The following ZNF175 variants were observed in gnomAD, a reference collection of about 807,000 sequenced individuals.
ZNF175 encodes zinc finger protein 175.
A neutral mutation model predicts 14.0 loss-of-function variants in ZNF175; 8 were observed. The observed-to-expected ratio is 0.57, with a 90% CI of 0.34 to 1.03. The LOEUF (loss-of-function observed/expected upper bound fraction) is 1.03, where lower values mean the gene tolerates loss of function less well. ZNF175 is among the 50% of genes least tolerant of loss of function. The pLI is 0.03. For synonymous variants in ZNF175, 255 were observed against 296.8 expected (o/e 0.86, Z 1.45); for missense variants, 764 against 849.5 (o/e 0.90, Z 1.25).
rs61736479 is a variant in ZNF175, at chr19:51,586,729, C to T, written c.398C>T (p.Ser133Phe). The T allele has an allele frequency of 6.2e-7, 1 of 1,613,974 alleles. No homozygotes were observed. ...GEFTRDGSWC[S>F]ILEELRLDAD... ...TTCACAAGAGATGGTTCATGGTGTT[C>T]CATTTTAGAAGAACTGAGGCTGGAT... Residue 133 changes from serine to phenylalanine, a missense_variant, in exon 5 of 5, where the codon TCC becomes TTC. Transcript: ENST00000262259.
intron 2 of ZNF175, among the ~76,000 whole-genome samples, chr19:51,576,857 C>G (rs1223254108): frequency 6.6e-6 from 1 of 152,082 alleles, no homozygotes; most frequent in Non-Finnish European, 1.5e-5. Flanking sequence ...AGTGCATCCC[C>G]TAGGAGTTCT....
rs1341780482 is a variant in ZNF175, at chr19:51,587,078, G to A, written c.747G>A (p.Glu249=). The A allele has an allele frequency of 3.7e-6, 6 of 1,614,082 alleles. No individual in the cohort carries two copies. In the African/African-American group the frequency reaches 5.3e-5, roughly 14 times the overall value. The change falls in exon 5 of 5, where the codon GAG becomes GAA. Residue 249 remains glutamate, a synonymous_variant. Transcript: ENST00000262259. ...DACSKNIHTG[E]TFCKGNQCRK... ...GCAGCAAGAATATTCATACAGGAGAGACATTTTGCAAAGGTAACCAGTGTA... is the reference window on the plus strand; with the variant it reads ...GCAGCAAGAATATTCATACAGGAGAAACATTTTGCAAAGGTAACCAGTGTA...
chr19:51,581,401 C>T lies in ZNF175; in HGVS notation c.83C>T (p.Ser28Leu). 6.2e-7 allele frequency: 1 copy of T among 1,614,082 alleles called. No homozygotes were observed. Among genetic ancestry groups the T allele is most frequent in the African/African-American group, 1.3e-5 (1 of 74,996 alleles). ...GGTACACTGTTACAGGCATCAGTGTCATTTGAGGACGTGACCGTGGACTTC... is the reference window on the plus strand; with the variant it reads ...GGTACACTGTTACAGGCATCAGTGTTATTTGAGGACGTGACCGTGGACTTC... ...KQDGSCEASV[S>L]FEDVTVDFSR... is the part of the protein sequence containing the mutation. Residue 28 changes from serine (S) to leucine (L), a missense_variant, in exon 3 of 5, where the codon TCA (serine) becomes TTA (leucine). Transcript: ENST00000262259.
At position 51,592,247 on chromosome 19, in the gene ZNF175, G is replaced by A; in HGVS notation, c.*3780G>A. On this transcript the variant is annotated 3_prime_UTR_variant, in exon 5 of 5. Transcript: ENST00000262259. ...ATGGGCTCTGGAGCCAACCTACCTG[G>A]ATGCTACACATCCCAGCTCTGCCCC... 5.1e-6 allele frequency: 1 copy of A among 195,386 alleles called. No homozygotes were observed. Among genetic ancestry groups the A allele is most frequent in the Non-Finnish European group, 1.0e-5 (1 of 96,228 alleles). The allele number at this position is 195,386 out of a possible 1,614,324, so 12.1% of individuals were successfully genotyped here.
chr19:51,580,728 T>C (rs1203825551), intron 2 of ZNF175, among the ~76,000 whole-genome samples: 1 of 152,222 alleles, frequency 6.6e-6, no homozygotes, highest in South Asian at 2.1e-4. Context: ...TCGCCTCTTA[T>C]CTTACACAGA....
chr19:51,580,966 C>T (rs1981976160), intron 2 of ZNF175, among the ~76,000 whole-genome samples: 1 of 152,070 alleles, frequency 6.6e-6, no homozygotes, highest in Admixed American at 6.6e-5. Context: ...ACCATGTTCC[C>T]TTTTTAACCC....
intron 4 of ZNF175, among the ~76,000 whole-genome samples, chr19:51,583,902 A>G (rs1048228629): frequency 6.6e-6 from 1 of 152,218 alleles, no homozygotes. Context: ...AATCTTCATT[A>G]TATCAATGTT....
At position 51,587,710 on chromosome 19, in the gene ZNF175, C is replaced by T. The variant is rs1221965328; in HGVS notation, c.1379C>T (p.Ala460Val). Residue 460 changes from alanine to valine, a missense_variant, in exon 5 of 5, where the codon GCA (alanine) becomes GTA (valine). Physicochemically the swap from Ala to Val is moderately conservative, Grantham distance 64 (BLOSUM62 0). Coordinates refer to ENST00000262259, the MANE Select transcript of ZNF175 (RefSeq NM_007147.4). ...TGCGGGCAGGCCTTCATCCAGAAGG[C>T]ACACCTGATTGTCCATCAAAGAAGC... The part of the protein sequence containing the change: ...IECGQAFIQK[A>V]HLIVHQRSHT... The T allele has an allele frequency of 3.7e-6, 6 of 1,614,042 alleles. No homozygotes were observed. In the African/African-American group the frequency reaches 6.7e-5, roughly 18 times the overall value.
At position 51,588,379 on chromosome 19, in the gene ZNF175, G is replaced by T. The variant is rs1297309328; in HGVS notation, c.2048G>T (p.Arg683Met). ...GAATGTGGAAAGGCCTTCAACAACA[G>T]GTCAAACTTCAATAAACACCAAACA... Reference protein sequence around the residue: ...CSECGKAFNNRSNFNKHQTTH... With the variant: ...CSECGKAFNNMSNFNKHQTTH... The change falls in exon 5 of 5, where the codon AGG (arginine) becomes ATG (methionine). Residue 683 changes from arginine to methionine, a missense_variant. Coordinates refer to ENST00000262259, the MANE Select transcript of ZNF175 (RefSeq NM_007147.4). The T allele has an allele frequency of 1.9e-6, 3 of 1,612,156 alleles. No individual in the cohort carries two copies. In the African/African-American group the frequency reaches 4.0e-5, roughly 22 times the overall value.
At chr19:51,586,377 C>T (rs1982163108) in intron 4 of ZNF175, among the ~76,000 whole-genome samples, 1 of 152,226 alleles carries the variant, frequency 6.6e-6, no homozygotes, top group Admixed American at 6.5e-5. Context: ...ATCGCTACCT[C>T]CTGAGGTTAT....
Position 51,589,884 on chromosome 19 carries a change from AACACACACACAT to A in ZNF175, c.*1425_*1436del, listed in dbSNP as rs3838909. 0.16 allele frequency: 73,526 copies of A among 472,168 alleles called. 6,820 individuals carry two copies. Among genetic ancestry groups the A allele is most frequent in the Middle Eastern group, 0.2 (359 of 1,770 alleles). The allele number at this position is 472,168 out of a possible 1,614,324, so 29.2% of individuals were successfully genotyped here. A position where few individuals can be genotyped will look rare whatever the true frequency, so the allele number is the denominator to read the frequency against. Reference sequence around the variant, plus strand: ...TTTGCCAGCACATGATACACACACAAACACACACACATACACACATATTACTATGTTCATCAT... The same window carrying A: ...TTTGCCAGCACATGATACACACACAAACACACATATTACTATGTTCATCAT... On this transcript the variant is annotated 3_prime_UTR_variant, in exon 5 of 5. Transcript: ENST00000262259.
In ZNF175 at chr19:51,586,912, A is replaced by G. The variant is rs1485852055; in HGVS notation, c.581A>G (p.Gln194Arg). The change falls in exon 5 of 5, where the codon CAA (glutamine) becomes CGA (arginine). Residue 194 changes from glutamine (Q) to arginine (R), a missense_variant. Transcript: ENST00000262259. ...CCCCACCTTGCTTCTTCACAGAAAC[A>G]ACCTCAGAAATGTTGCTTATTTACA... is the stretch of plus-strand genomic sequence containing the variant. ...TRPHLASSQKQPQKCCLFTES... is the reference protein window; with the variant it reads ...TRPHLASSQKRPQKCCLFTES... 1.9e-6 allele frequency: 3 copies of G among 1,614,088 alleles called. No homozygotes were observed. The highest frequency in any genetic ancestry group is 2.5e-6 in the Non-Finnish European group (3 of 1,180,044).
rs1420739668 is a variant in ZNF175, at chr19:51,592,348, C to T, written c.*3881C>T. 1 of 345,866 alleles carries T rather than the reference C, an allele frequency of 2.9e-6. No individual in the cohort carries two copies. The highest frequency in any genetic ancestry group is 2.1e-5 in the African/African-American group (1 of 46,834). 21.4% of individuals were successfully genotyped at this position (345,866 alleles called of 1,614,324 possible). ...CAGCACAATGGGAATAATAATAGAT[C>T]TCGCCTTGTGGCTCCTTTGCAGATT... is the stretch of plus-strand genomic sequence containing the variant. On this transcript the variant is annotated 3_prime_UTR_variant, in exon 5 of 5. Transcript: ENST00000262259.
In ZNF175 at chr19:51,588,077, G is replaced by A. The variant is rs148255081; in HGVS notation, c.1746G>A (p.Thr582=). 641 of 1,613,968 alleles carry A rather than the reference G, an allele frequency of 4.0e-4. No individual in the cohort carries two copies. The highest frequency in any genetic ancestry group is 5.2e-4 in the Non-Finnish European group (617 of 1,180,000). Residue 582 remains threonine (T), a synonymous_variant, in exon 5 of 5, where the codon ACG becomes ACA. Transcript: ENST00000262259. The stretch of plus-strand genomic sequence containing the variant: ...TCAAAGAGCATCAGCGAATTCACAC[G>A]GGTGAGAAACCCTATGTGTGCACTG... ...SQFKEHQRIH[T]GEKPYVCTEC... is the part of the protein sequence containing the mutation.
In ZNF175 at chr19:51,585,520, T is replaced by TAA. The variant is rs199639324; in HGVS notation, c.296-1107_296-1106insAA. Among the ~76,000 whole-genome samples, 588 of 152,174 alleles carry TAA rather than the reference T, an allele frequency of 3.9e-3. 25 individuals carry two copies. The East Asian group carries it at 0.078, about 20-fold the overall frequency. On this transcript the variant is annotated intron_variant, in intron 4 of 4. Coordinates refer to ENST00000262259, the MANE Select transcript of ZNF175 (RefSeq NM_007147.4). ...AATAAAGATTAAAAGTGTCCTTTTT[T>TAA]TAAAAAAAGAATGAAAGATGATTGA...
intron 1 of ZNF175, among the ~76,000 whole-genome samples, chr19:51,572,757 A>T (rs1981637776): frequency 1.3e-5 from 2 of 152,206 alleles, no homozygotes; most frequent in South Asian, 4.1e-4. Context: ...AATGGGTATG[A>T]TAATGCCCAT....
Position 51,587,979 on chromosome 19 carries a change from C to T in ZNF175, c.1648C>T (p.Gln550Ter), listed in dbSNP as rs1165404463. The T allele has an allele frequency of 1.2e-6, 2 of 1,614,070 alleles. No homozygotes were observed. Among genetic ancestry groups the T allele is most frequent in the Non-Finnish European group, 1.7e-6 (2 of 1,180,032 alleles). Reference sequence around the variant, plus strand: ...CCAGAAGTCAATACTCAGCATGCATCAGAGAATTCACACCGGAGAGAAGCC... The same window carrying T: ...CCAGAAGTCAATACTCAGCATGCATTAGAGAATTCACACCGGAGAGAAGCC... ...FNQKSILSMHQRIHTGEKPYK... is the reference protein window; with the variant it reads ...FNQKSILSMH The change falls in exon 5 of 5, where the codon CAG (glutamine) becomes TAG (stop). Residue 550 changes from glutamine to a stop codon, truncating the protein, a stop_gained. Transcript: ENST00000262259. LOFTEE classifies it low-confidence loss of function (END_TRUNC).
chr19:51,587,727 C>T lies in ZNF175; in HGVS notation c.1396C>T (p.Gln466Ter), dbSNP rs1982216877. 2 of 1,614,138 alleles carry T rather than the reference C, an allele frequency of 1.2e-6. No individual in the cohort carries two copies. The highest frequency in any genetic ancestry group is 1.7e-6 in the Non-Finnish European group (2 of 1,180,026). ...FIQKAHLIVH[Q>*]RSHTGEKPYQ... Reference sequence around the variant, plus strand: ...CCAGAAGGCACACCTGATTGTCCATCAAAGAAGCCACACAGGAGAAAAACC... The same window carrying T: ...CCAGAAGGCACACCTGATTGTCCATTAAAGAAGCCACACAGGAGAAAAACC... Residue 466 changes from glutamine to a stop codon, truncating the protein, a stop_gained, in exon 5 of 5, where the codon CAA becomes TAA. Transcript: ENST00000262259. LOFTEE classifies it low-confidence loss of function (END_TRUNC).
In ZNF175 at chr19:51,573,359, G is replaced by A. The variant is rs1003508446; in HGVS notation, c.30G>A (p.Lys10=). 4.3e-6 allele frequency: 7 copies of A among 1,612,478 alleles called. No homozygotes were observed. The highest frequency in any genetic ancestry group is 4.2e-6 in the Non-Finnish European group (5 of 1,179,456). MPADVNLSQ[K]PQVLGPEKQD... ...CTGCTGATGTGAATTTATCCCAGAA[G>A]CCTCAGGTCCTGGGTCCAGAGAAGC... Residue 10 remains lysine, a synonymous_variant, in exon 2 of 5, where the codon AAG becomes AAA. Coordinates refer to ENST00000262259, the MANE Select transcript of ZNF175 (RefSeq NM_007147.4).
Sources: gnomAD v4.1 joint callset for allele counts (sites outside exome capture counted in the v4.1 genomes callset) on GRCh38, gnomAD v4.1.1 for gene constraint, MANE v1.5 for transcripts, NCBI Gene and HGNC (gene_info 2026-07-23, HGNC 2026-07-21) for gene names.